Variants in KCNQ1 observed in about 807,000 individuals in gnomAD.
The protein encoded by KCNQ1 is potassium voltage-gated channel subfamily KQT member 1.
Under a neutral mutation model 72.4 loss-of-function variants are expected in KCNQ1, and 49 were observed. The observed-to-expected ratio is 0.68, with a 90% confidence interval of 0.54 to 0.86. The LOEUF is 0.86. Among genes scored for constraint, KCNQ1 ranks in the 40% least tolerant of loss-of-function variants. The pLI is 0.00. For synonymous variants in KCNQ1, 450 were observed against 412.6 expected (o/e 1.09, Z -1.10); for missense variants, 790 against 945.1 (o/e 0.84, Z 2.15).
At position 2,627,065 on chromosome 11, in the gene KCNQ1, T is replaced by G; in HGVS notation, c.1394-34896T>G. The G allele has an allele frequency of 2.5e-6, 1 of 398,606 alleles. No homozygotes were observed. The allele number at this position is 398,606 out of a possible 1,614,324, so 24.7% of individuals were successfully genotyped here. A position where few individuals can be genotyped will look rare whatever the true frequency, so the allele number is the denominator to read the frequency against. ...TTCCAATCCATGAACATAGGAGGTGTTTTCCCTTTATGTCTACTTTAATTT... is the reference window on the plus strand; with the variant it reads ...TTCCAATCCATGAACATAGGAGGTGGTTTCCCTTTATGTCTACTTTAATTT... On this transcript the variant is annotated intron_variant, in intron 10 of 15. Coordinates refer to ENST00000155840, the MANE Select transcript of KCNQ1 (RefSeq NM_000218.3). This position sits in a 1 kb window ranked among gnomAD's most constrained non-coding sequence, Gnocchi z 4.9.
Position 2,676,434 on chromosome 11 carries a change from T to C in KCNQ1, c.1514+14353T>C, listed in dbSNP as rs984321039. On this transcript the variant is annotated intron_variant, in intron 11 of 15. Transcript: ENST00000155840. This position sits in a 1 kb window ranked among gnomAD's most constrained non-coding sequence, Gnocchi z 4.2. The stretch of plus-strand genomic sequence containing the variant: ...CCCAATGGGCTGGGCTTTTCCCAGA[T>C]AGGACATGCTCACTGTTCTGCTCAG... 2.5e-6 allele frequency: 1 copy of C among 398,662 alleles called. No homozygotes were observed. Among genetic ancestry groups the C allele is most frequent in the South Asian group, 1.3e-4 (1 of 7,856 alleles). 24.7% of individuals were successfully genotyped at this position (398,662 alleles called of 1,614,324 possible).
chr11:2,511,838 G>A (rs1488088284), intron 1 of KCNQ1, among the ~76,000 whole-genome samples: 3 of 152,144 alleles, frequency 2.0e-5, no homozygotes, highest in Non-Finnish European at 2.9e-5. Flanking sequence ...GGCCACATGC[G>A]GGCCCCTCAA....
intron 15 of KCNQ1, among the ~76,000 whole-genome samples, chr11:2,825,689 A>C (rs1380784495): frequency 1.3e-5 from 2 of 152,230 alleles, no homozygotes; most frequent in Non-Finnish European, 2.9e-5. Flanking sequence ...TAAACAGACA[A>C]TTAATTATCC....
chr11:2,582,005 G>T (rs548066824), intron 6 of KCNQ1, among the ~76,000 whole-genome samples: 9 of 152,334 alleles, frequency 5.9e-5, no homozygotes, highest in Middle Eastern at 3.4e-3. Flanking sequence ...CGTGCGGTCA[G>T]GGCACTAGTG....
chr11:2,829,818 C>T (rs1256303918), intron 15 of KCNQ1, among the ~76,000 whole-genome samples: 4 of 151,890 alleles, frequency 2.6e-5, no homozygotes, highest in Non-Finnish European at 5.9e-5. Context: ...GAAGATCTAG[C>T]GCCCAGGGAA....
In KCNQ1 at chr11:2,477,534, T is replaced by A. The variant is rs1448749076; in HGVS notation, c.386+32050T>A. Among the ~76,000 whole-genome samples the A allele has an allele frequency of 6.6e-6, 1 of 151,864 alleles. No homozygotes were observed. Among genetic ancestry groups the A allele is most frequent in the Non-Finnish European group, 1.5e-5 (1 of 67,952 alleles). On this transcript the variant is annotated intron_variant, in intron 1 of 15. Coordinates refer to ENST00000155840, the MANE Select transcript of KCNQ1 (RefSeq NM_000218.3). This position sits in a 1 kb window ranked among gnomAD's most constrained non-coding sequence, Gnocchi z 5.0. Reference sequence around the variant, plus strand: ...GAGAGAAAAGAAAACTACAGACCAGTGATATGTACACAGAGAGCAATGAAA... The same window carrying A: ...GAGAGAAAAGAAAACTACAGACCAGAGATATGTACACAGAGAGCAATGAAA...
chr11:2,800,920 G>A (rs145518960), intron 15 of KCNQ1, among the ~76,000 whole-genome samples: 20 of 152,288 alleles, frequency 1.3e-4, no homozygotes, highest in African/African-American at 4.1e-4. Context: ...AGGCACTCAT[G>A]AGGACAGGGT....
Position 2,647,137 on chromosome 11 carries a change from A to G in KCNQ1, c.1394-14824A>G. ...TGTCATATATGACCTTCATTGAGTT[A>G]TGTTCCTTCTAGACATTATGTGATG... is the stretch of plus-strand genomic sequence containing the variant. On this transcript the variant is annotated intron_variant, in intron 10 of 15. Transcript: ENST00000155840. The surrounding 1 kb of genome is among the most constrained non-coding windows in gnomAD (Gnocchi z 4.0). 2.5e-6 allele frequency: 1 copy of G among 398,336 alleles called. No homozygotes were observed. Among genetic ancestry groups the G allele is most frequent in the Non-Finnish European group, 4.4e-6 (1 of 226,018 alleles). 24.7% of individuals were successfully genotyped at this position (398,336 alleles called of 1,614,324 possible). A position where few individuals can be genotyped will look rare whatever the true frequency, so the allele number is the denominator to read the frequency against.
intron 11 of KCNQ1, chr11:2,675,967 T>C (rs1014185401): frequency 5.0e-6 from 2 of 398,438 alleles, no homozygotes; most frequent in African/African-American, 2.1e-5. Flanking sequence ...ACAAAAGGGG[T>C]GAAAAATAAC....
intron 11 of KCNQ1, among the ~76,000 whole-genome samples, chr11:2,733,804 A>ACTCTCT (rs1564875253): frequency 2.8e-5 from 1 of 35,720 alleles, no homozygotes. Flanking sequence ...ACACACACAC[A>ACTCTCT]CACACACACA....
rs534906627 is a variant in KCNQ1 at position 2,585,214 on chromosome 11, G to T, written c.1035G>T (p.Gly345=). ...GCCTCCTGTCCATTCCTTCCCAGGG[G>T]ATTCTTGGCTCGGGGTTTGCCCTGA... The part of the protein sequence containing the change: ...FAISFFALPA[G]ILGSGFALKV... The change falls in exon 8 of 16, where the codon GGG becomes GGT. Residue 345 remains glycine (G), a splice_region_variant and synonymous_variant. Transcript: ENST00000155840. 1 of 1,614,010 alleles carries T rather than the reference G, an allele frequency of 6.2e-7. No homozygotes were observed. The highest frequency in any genetic ancestry group is 1.3e-5 in the African/African-American group (1 of 75,066).
rs370500434 is a variant in KCNQ1 at position 2,652,779 on chromosome 11, C to G, written c.1394-9182C>G. 1 of 399,206 alleles carries G rather than the reference C, an allele frequency of 2.5e-6. No individual in the cohort carries two copies. The highest frequency in any genetic ancestry group is 3.6e-5 in the East Asian group (1 of 28,092). The allele number at this position is 399,206 out of a possible 1,614,324, so 24.7% of individuals were successfully genotyped here. On this transcript the variant is annotated intron_variant, in intron 10 of 15. Transcript: ENST00000155840. The surrounding 1 kb of genome is among the most constrained non-coding windows in gnomAD (Gnocchi z 5.9). ...TCACTGCCTGTCTTCCTCAGCGCCC[C>G]CGCTACTCAGACCCCACCCTTGGGC...
At chr11:2,744,473 C>T (rs189521171) in intron 11 of KCNQ1, among the ~76,000 whole-genome samples, 59 of 152,364 alleles carry the variant, frequency 3.9e-4, no homozygotes, top group Admixed American at 1.6e-3. Flanking sequence ...ATAGCCAAGA[C>T]TTGTTTGCGG....
rs192357369 is a variant in KCNQ1, at chr11:2,494,252, G to A, written c.387-33676G>A. Among the ~76,000 whole-genome samples, 788 of 152,310 alleles carry A rather than the reference G, an allele frequency of 5.2e-3. 3 individuals carry two copies. The highest frequency in any genetic ancestry group is 0.018 in the African/African-American group (739 of 41,564). On this transcript the variant is annotated intron_variant, in intron 1 of 15. Transcript: ENST00000155840. The surrounding 1 kb of genome is among the most constrained non-coding windows in gnomAD (Gnocchi z 4.6). ...TCAGCTTAAGGAGTTTTTGGGCTGA[G>A]ACAATGGGGTTTTCTAAATATACAA...
In KCNQ1 at chr11:2,611,629, C is replaced by A. The variant is rs1229179913; in HGVS notation, c.1393+22775C>A. On this transcript the variant is annotated intron_variant, in intron 10 of 15. Coordinates refer to ENST00000155840, the MANE Select transcript of KCNQ1 (RefSeq NM_000218.3). This position sits in a 1 kb window ranked among gnomAD's most constrained non-coding sequence, Gnocchi z 5.3. ...GAATCTAGAATGTGACTCTTATAGA[C>A]CATATATATTTGGATCCTGCTTTTA... The A allele has an allele frequency of 2.5e-6, 1 of 398,520 alleles. No homozygotes were observed. Among genetic ancestry groups the A allele is most frequent in the African/African-American group, 2.1e-5 (1 of 48,734 alleles). The allele number at this position is 398,520 out of a possible 1,614,324, so 24.7% of individuals were successfully genotyped here.
chr11:2,681,488 G>A (rs1258679111), intron 11 of KCNQ1: 3 of 398,294 alleles, frequency 7.5e-6, no homozygotes, highest in African/African-American at 6.2e-5. Context: ...ATGAGAAATG[G>A]GACTTAGTAA....
At chr11:2,594,376 A>G (rs370490688) in intron 10 of KCNQ1, among the ~76,000 whole-genome samples, 1 of 152,196 alleles carries the variant, frequency 6.6e-6, no homozygotes, top group African/African-American at 2.4e-5. Context: ...CAGAGGTTTC[A>G]ATGTACTGTA....
Position 2,617,729 on chromosome 11 carries a change from A to G in KCNQ1, c.1393+28875A>G, listed in dbSNP as rs994004170. On this transcript the variant is annotated intron_variant, in intron 10 of 15. Coordinates refer to ENST00000155840, the MANE Select transcript of KCNQ1 (RefSeq NM_000218.3). This position sits in a 1 kb window ranked among gnomAD's most constrained non-coding sequence, Gnocchi z 4.6. The stretch of plus-strand genomic sequence containing the variant: ...TAGCCAACACTTAATAGCTATTCTC[A>G]TGAGTGTGAGGTGATATCGCATAGT... 2 of 398,482 alleles carry G rather than the reference A, an allele frequency of 5.0e-6. No homozygotes were observed. Among genetic ancestry groups the G allele is most frequent in the Non-Finnish European group, 8.9e-6 (2 of 225,982 alleles). The allele number at this position is 398,482 out of a possible 1,614,324, so 24.7% of individuals were successfully genotyped here.
At chr11:2,622,844 G>A (rs1849197820) in intron 10 of KCNQ1, 1 of 398,480 alleles carries the variant, frequency 2.5e-6, no homozygotes, top group Non-Finnish European at 4.4e-6. Context: ...CCACCAGAGT[G>A]GCACGTTTGT....
Sources: gnomAD v4.1 joint callset for allele counts (sites outside exome capture counted in the v4.1 genomes callset) on GRCh38, gnomAD v4.1.1 for gene constraint, Gnocchi (gnomAD v3.1) non-coding constraint, MANE v1.5 for transcripts, NCBI Gene and HGNC (gene_info 2026-07-23, HGNC 2026-07-21) for gene names.